SEM1: variants seen among roughly 807,000 people sequenced by gnomAD.
SEM1 encodes the protein SEM1 26S proteasome subunit, also known as 26S proteasome complex subunit SEM1.
In SEM1, 3 loss-of-function variants were observed where a neutral mutation model predicts 12.7. The observed-to-expected ratio is 0.24, with a 90% CI of 0.11 to 0.61. SEM1 has a LOEUF of 0.61. SEM1 is among the 20% of genes least tolerant of loss of function. SEM1 has a pLI of 0.88. For synonymous variants in SEM1, 30 were observed against 27.8 expected (o/e 1.08, Z -0.25); for missense variants, 59 against 81.3 (o/e 0.73, Z 1.06).
chr7:96,605,682 CT>C (rs1807329272), intron 2 of SEM1, among the ~76,000 whole-genome samples: 1 of 150,618 alleles, frequency 6.6e-6, no homozygotes, highest in Admixed American at 6.6e-5. Context: ...TTTTTTTTCT[CT>C]TGAAATAGAG....
chr7:96,678,771 A>C (rs1789519127), intron 2 of SEM1, among the ~76,000 whole-genome samples: 1 of 152,130 alleles, frequency 6.6e-6, no homozygotes, highest in East Asian at 1.9e-4. Context: ...AATTTGGATA[A>C]GAAAAATTAA....
chr7:96,546,995 C>A (rs936054914), intron 2 of SEM1, among the ~76,000 whole-genome samples: 5 of 152,066 alleles, frequency 3.3e-5, no homozygotes, highest in African/African-American at 4.8e-5. Context: ...GGGGAACCTG[C>A]AAATTCTCTA....
intron 1 of SEM1, among the ~76,000 whole-genome samples, chr7:96,705,588 G>A (rs1790430338): frequency 6.6e-6 from 1 of 152,128 alleles, no homozygotes; most frequent in Admixed American, 6.5e-5. Flanking sequence ...AGCACTTTGG[G>A]AGGCCGAGGC....
intron 2 of SEM1, among the ~76,000 whole-genome samples, chr7:96,555,006 T>C (rs528769050): frequency 4.4e-4 from 65 of 148,646 alleles, no homozygotes; most frequent in African/African-American, 1.6e-3. Context: ...TAGTATTATC[T>C]TATGGTAGTT....
At chr7:96,591,463 A>G (rs1002276573) in intron 2 of SEM1, among the ~76,000 whole-genome samples, 1 of 152,214 alleles carries the variant, frequency 6.6e-6, no homozygotes, top group African/African-American at 2.4e-5. Context: ...TATTCATTAT[A>G]TATTTCCAAG....
upstream of SEM1, among the ~76,000 whole-genome samples, chr7:96,499,059 C>T (rs1304838432): frequency 1.3e-5 from 2 of 152,142 alleles, no homozygotes; most frequent in Non-Finnish European, 2.9e-5. Flanking sequence ...TGTCTTAATA[C>T]TCTGGTGTGA....
At chr7:96,630,047 C>G (rs540670398) in intron 2 of SEM1, among the ~76,000 whole-genome samples, 69 of 152,342 alleles carry the variant, frequency 4.5e-4, no homozygotes, top group Middle Eastern at 3.4e-3. Context: ...ACCCTTGTGG[C>G]CACCACCACT....
chr7:96,579,560 A>G (rs1806316598), intron 2 of SEM1, among the ~76,000 whole-genome samples: 1 of 152,220 alleles, frequency 6.6e-6, no homozygotes, highest in Admixed American at 6.5e-5. Context: ...AATAGAAGAG[A>G]TGTTCAGAAT....
intron 3 of SEM1, among the ~76,000 whole-genome samples, chr7:96,501,621 A>T (rs1236897613): frequency 6.6e-6 from 1 of 152,190 alleles, no homozygotes; most frequent in African/African-American, 2.4e-5. Context: ...TATGTTAACT[A>T]AAATTTATTG....
chr7:96,640,449 T>C lies in SEM1; in HGVS notation c.171-17806A>G, dbSNP rs530472886. Among the ~76,000 whole-genome samples the C allele has an allele frequency of 4.6e-5, 7 of 151,986 alleles. No individual in the cohort carries two copies. Among genetic ancestry groups the C allele is most frequent in the Admixed American group, 2.0e-4 (3 of 15,212 alleles). ...GACAAAGAGAAAACTTAGGTGCATATTACCAAGTGAAGGAAGCTCATCTGA... is the reference window on the plus strand; with the variant it reads ...GACAAAGAGAAAACTTAGGTGCATACTACCAAGTGAAGGAAGCTCATCTGA... On this transcript the variant is annotated intron_variant, in intron 2 of 2. Transcript: ENST00000417009. This position sits in a 1 kb window ranked among gnomAD's most constrained non-coding sequence, Gnocchi z 4.0.
At chr7:96,618,661 G>A (rs979250489), downstream of SEM1, among the ~76,000 whole-genome samples, 1 of 151,652 alleles carries the variant, frequency 6.6e-6, no homozygotes, top group Non-Finnish European at 1.5e-5. Flanking sequence ...CTTCTGCTTG[G>A]TCCAGTCTGT....
chr7:96,558,908 A>C (rs1805612092), intron 2 of SEM1, among the ~76,000 whole-genome samples: 1 of 152,186 alleles, frequency 6.6e-6, no homozygotes, highest in South Asian at 2.1e-4. Flanking sequence ...TTATGGACTA[A>C]TATTGGGTAA....
chr7:96,636,290 T>A (rs961073485), intron 2 of SEM1, among the ~76,000 whole-genome samples: 1 of 149,966 alleles, frequency 6.7e-6, no homozygotes, highest in Admixed American at 6.7e-5. Flanking sequence ...TGGTTCCTGG[T>A]CAGAGTTTCA....
chr7:96,517,233 T>G (rs573917798), intron 2 of SEM1, among the ~76,000 whole-genome samples: 28 of 152,260 alleles, frequency 1.8e-4, no homozygotes, highest in African/African-American at 6.7e-4. Context: ...CTTTGAGTGA[T>G]AAAGTGTCAG....
chr7:96,703,972 AACACACACACACACACAC>A (rs67174798), intron 1 of SEM1, among the ~76,000 whole-genome samples: 1 of 142,084 alleles, frequency 7.0e-6, no homozygotes, highest in Non-Finnish European at 1.5e-5. Context: ...GTCTCTTAAA[AACACACACACACACACAC>A]ACACACACAC....
chr7:96,488,311 T>G (rs1802853769), intron 1 of SEM1, among the ~76,000 whole-genome samples: 1 of 152,158 alleles, frequency 6.6e-6, no homozygotes, highest in Non-Finnish European at 1.5e-5. Context: ...AAGACAAACT[T>G]AGTCTACTTA....
intron 2 of SEM1, among the ~76,000 whole-genome samples, chr7:96,632,777 GTTTTTTGT>G (rs1431703291): frequency 7.1e-5 from 7 of 99,086 alleles, no homozygotes; most frequent in Admixed American, 1.5e-4. Flanking sequence ...TTTTTTTGTT[GTTTTTTGT>G]TTTTTTTTTT....
At chr7:96,705,902 A>C (rs1031744789) in intron 1 of SEM1, among the ~76,000 whole-genome samples, 1 of 152,160 alleles carries the variant, frequency 6.6e-6, no homozygotes, top group African/African-American at 2.4e-5. Flanking sequence ...GTATGATTTG[A>C]AAAATGAAAT....
intron 2 of SEM1, among the ~76,000 whole-genome samples, chr7:96,559,483 A>G (rs761288315): frequency 1.3e-5 from 2 of 151,992 alleles, no homozygotes; most frequent in Non-Finnish European, 2.9e-5. Flanking sequence ...GGGTTTCACC[A>G]TGTTGCCCAG....
Sources: gnomAD v4.1 joint callset for allele counts (sites outside exome capture counted in the v4.1 genomes callset) on GRCh38, gnomAD v4.1.1 for gene constraint, Gnocchi (gnomAD v3.1) non-coding constraint, MANE v1.5 for transcripts, NCBI Gene and HGNC (gene_info 2026-07-23, HGNC 2026-07-21) for gene names.